The following COG8 variants were observed in gnomAD, a reference collection of about 807,000 sequenced individuals.
The protein encoded by COG8 is conserved oligomeric Golgi complex subunit 8.
In COG8, 45 loss-of-function variants were observed where a neutral mutation model predicts 46.5. That is an observed-to-expected ratio of 0.97 (90% CI 0.76 to 1.24). The LOEUF (loss-of-function observed/expected upper bound fraction) is 1.24, where lower values mean the gene tolerates loss of function less well. Ranked by LOEUF, COG8 falls within the 50% of genes most tolerant of loss-of-function variation. The pLI, the probability that COG8 is intolerant of heterozygous loss-of-function variation, is 0.00. For missense variants in COG8, 793 were observed against 820.8 expected, an observed-to-expected ratio of 0.97 and a Z score of 0.41; for synonymous variants, 407 against 347.8, an observed-to-expected ratio of 1.17 and a Z score of -1.90.
In COG8 at chr16:69,339,540, C is replaced by G; in HGVS notation, c.13G>C (p.Ala5Pro). ...GCCGTGGCTACCGATGGGATAGTCG[C>G]CGCGGTCGCCATCTTCCCAGCAACA... is the stretch of plus-strand genomic sequence containing the variant. MATA[A>P]TIPSVATATA... The change falls in exon 1 of 6, where the codon GCG (alanine) becomes CCG (proline). Residue 5 changes from alanine (A) to proline (P), a missense_variant. Ala to Pro is a conservative substitution (Grantham distance 27). Coordinates refer to ENST00000306875, the MANE Select transcript of COG8 (RefSeq NM_032382.5). 1 of 1,608,908 alleles carries G rather than the reference C, an allele frequency of 6.2e-7. No homozygotes were observed. The highest frequency in any genetic ancestry group is 1.1e-5 in the South Asian group (1 of 90,996).
At chr16:69,333,012 T>G in intron 3 of COG8, 130 bp from the exon 4 acceptor site, 2 of 811,010 alleles carry the variant, frequency 2.5e-6, no homozygotes, top group Non-Finnish European at 4.2e-6. Flanking sequence ...GTACATTATT[T>G]TACTGTCTCA....
At position 69,326,566 on chromosome 16, in the gene COG8, T is replaced by C. The variant is rs1464591283; in HGVS notation, c.*2640A>G. ...TTAGCATGGCTATGGTCCATCCCTG[T>C]GCTCTAGTTAGAGCGTGAAGACACC... On this transcript the variant is annotated 3_prime_UTR_variant, in exon 6 of 6. Coordinates refer to ENST00000306875, the MANE Select transcript of COG8 (RefSeq NM_032382.5). The C allele has an allele frequency of 6.6e-6, 1 of 152,274 alleles. No individual in the cohort carries two copies. The highest frequency in any genetic ancestry group is 1.5e-5 in the Non-Finnish European group (1 of 68,058). 9.4% of individuals were successfully genotyped at this position (152,274 alleles called of 1,614,324 possible).
intron 3 of COG8, among the ~76,000 whole-genome samples, chr16:69,333,986 C>T (rs991130846): frequency 6.6e-6 from 1 of 152,164 alleles, no homozygotes; most frequent in Non-Finnish European, 1.5e-5. Context: ...CTCCTGCTGG[C>T]CTTGAGGAAG....
In COG8 at chr16:69,336,693, C is replaced by T. The variant is rs756467489; in HGVS notation, c.397G>A (p.Glu133Lys). 6.8e-6 allele frequency: 11 copies of T among 1,614,076 alleles called. No individual in the cohort carries two copies. Among genetic ancestry groups the T allele is most frequent in the Admixed American group, 3.3e-5 (2 of 60,026 alleles). The change falls in exon 2 of 6, where the codon GAG becomes AAG. Residue 133 changes from glutamate to lysine, a missense_variant. Coordinates refer to ENST00000306875, the MANE Select transcript of COG8 (RefSeq NM_032382.5). The part of the protein sequence containing the change: ...QSCRNFVKEA[E>K]EISSNRRMNS... ...ATCCGGCGGTTGGAGCTGATCTCCTCGGCTTCCTTCACAAAGTTCCTAGTA... is the reference window on the plus strand; with the variant it reads ...ATCCGGCGGTTGGAGCTGATCTCCTTGGCTTCCTTCACAAAGTTCCTAGTA...
intron 4 of COG8, 56 bp from the exon 5 acceptor site, chr16:69,331,151 T>C: frequency 1.9e-6 from 3 of 1,600,718 alleles, no homozygotes; most frequent in Non-Finnish European, 2.6e-6. Flanking sequence ...AAACTCAATA[T>C]AGAAATTTAA....
chr16:69,331,010 C>G lies in COG8; in HGVS notation c.1668G>C (p.Leu556=), dbSNP rs765724412. The G allele has an allele frequency of 1.3e-5, 21 of 1,612,190 alleles. No individual in the cohort carries two copies. The South Asian group carries it at 2.1e-4, about 16-fold the overall frequency. ...GAIQEPLAFI[L]PKRETLFTLD... is the part of the protein sequence containing the mutation. ...GGGTGAAAAGCGTCTCTCTCTTTGG[C>G]AGGATAAAGGCGAGGGGCTCCTGAA... Residue 556 remains leucine, a synonymous_variant, in exon 5 of 6, where the codon CTG becomes CTC. Coordinates refer to ENST00000306875, the MANE Select transcript of COG8 (RefSeq NM_032382.5).
intron 5 of COG8, chr16:69,330,574 G>A: frequency 1.4e-6 from 2 of 1,455,682 alleles, no homozygotes; most frequent in East Asian, 2.9e-5. Flanking sequence ...GGGCCATGGC[G>A]GCCCCCTTAA....
rs1965635496 is a variant in COG8, at chr16:69,327,524, C to T, written c.*1682G>A. On this transcript the variant is annotated 3_prime_UTR_variant, in exon 6 of 6. Coordinates refer to ENST00000306875, the MANE Select transcript of COG8 (RefSeq NM_032382.5). ...GAGCCAGTTTGCTTCTGCTTGGCCTCATGGGGCCTCAGAGAAAGCCACAAA... is the reference window on the plus strand; with the variant it reads ...GAGCCAGTTTGCTTCTGCTTGGCCTTATGGGGCCTCAGAGAAAGCCACAAA... The T allele has an allele frequency of 6.6e-6, 1 of 151,938 alleles. No homozygotes were observed. The highest frequency in any genetic ancestry group is 2.4e-5 in the African/African-American group (1 of 41,358). 9.4% of individuals were successfully genotyped at this position (151,938 alleles called of 1,614,324 possible).
chr16:69,329,769 G>A (rs1965727068), intron 5 of COG8, among the ~76,000 whole-genome samples: 2 of 152,242 alleles, frequency 1.3e-5, no homozygotes, highest in Admixed American at 1.3e-4. Flanking sequence ...ACGCCAGGCT[G>A]TCAGGTAACA....
chr16:69,336,124 C>T (rs1056302884), intron 2 of COG8, among the ~76,000 whole-genome samples: 1 of 152,144 alleles, frequency 6.6e-6, no homozygotes, highest in Non-Finnish European at 1.5e-5. Context: ...TAAATGTTAC[C>T]TCCCTAGAAG....
chr16:69,329,978 C>G (rs1215752729), intron 5 of COG8: 3 of 1,510,164 alleles, frequency 2.0e-6, no homozygotes, highest in Non-Finnish European at 2.7e-6. Flanking sequence ...CCAGCAGCCC[C>G]GGTCCCCGCC....
rs1198030050 is a variant in COG8, at chr16:69,326,499, T to TA, written c.*2706dup. 2 of 152,242 alleles carry TA rather than the reference T, an allele frequency of 1.3e-5. No individual in the cohort carries two copies. The highest frequency in any genetic ancestry group is 3.8e-4 in the East Asian group (2 of 5,204). The allele number at this position is 152,242 out of a possible 1,614,324, so 9.4% of individuals were successfully genotyped here. On this transcript the variant is annotated 3_prime_UTR_variant, in exon 6 of 6. Transcript: ENST00000306875. ...AATCAGAACGTTGTTTCCTCATTCC[T>TA]ACTGCTTAAACACCTTGACAAGTCC...
At chr16:69,330,547 C>T (rs1200127660) in intron 5 of COG8, 3 of 1,475,212 alleles carry the variant, frequency 2.0e-6, no homozygotes, top group East Asian at 2.9e-5. Flanking sequence ...GCCAAAGACT[C>T]AGCGCGCCCC....
rs562227918 is a variant in COG8 at position 69,330,731 on chromosome 16, G to A, written c.*26+82C>T. On this transcript the variant is annotated intron_variant, in intron 5 of 5. Transcript: ENST00000306875. ...GCCCCCTTCCGCTCTCCTCCCGGGA[G>A]CGCCTTCCCGCCTCCCGAACCCGCC... The A allele has an allele frequency of 4.3e-5, 61 of 1,422,334 alleles. No individual in the cohort carries two copies. In the East Asian group the frequency reaches 1.4e-3, roughly 33 times the overall value. The allele number at this position is 1,422,334 out of a possible 1,614,324, so 88.1% of individuals were successfully genotyped here.
chr16:69,334,663 T>A lies in COG8; in HGVS notation c.1271A>T (p.Gln424Leu). The A allele has an allele frequency of 1.2e-6, 2 of 1,614,218 alleles. No homozygotes were observed. The highest frequency in any genetic ancestry group is 1.7e-6 in the Non-Finnish European group (2 of 1,180,040). Residue 424 changes from glutamine (Q) to leucine (L), a missense_variant, in exon 3 of 6, where the codon CAG (glutamine) becomes CTG (leucine). Physicochemically the swap from Gln to Leu is moderately radical, Grantham distance 113. Coordinates refer to ENST00000306875, the MANE Select transcript of COG8 (RefSeq NM_032382.5). ...GAAATCTAGGAGCACCATGGGTGGC[T>A]GCAGCGTCCCCGGCTGGGTGGCTGG... ...AVPATQPGTLQPPMVLLDFPP... is the reference protein window; with the variant it reads ...AVPATQPGTLLPPMVLLDFPP...
In COG8 at chr16:69,334,951, T is replaced by TG; in HGVS notation, c.982dup (p.Gln328ProfsTer35). On this transcript the variant is annotated frameshift_variant, in exon 3 of 6. Transcript: ENST00000306875. LOFTEE classifies it high-confidence loss of function. Reference sequence around the variant, plus strand: ...CCGGTAAAGGTCGGTCTCCAGCACCTGCAGGAATTGTGAGACCTTCTGTAG... The same window carrying TG: ...CCGGTAAAGGTCGGTCTCCAGCACCTGGCAGGAATTGTGAGACCTTCTGTAG... 1 of 1,614,128 alleles carries TG rather than the reference T, an allele frequency of 6.2e-7. No individual in the cohort carries two copies. Among genetic ancestry groups the TG allele is most frequent in the Non-Finnish European group, 8.5e-7 (1 of 1,180,022 alleles).
rs948650221 is a variant in COG8, at chr16:69,327,507, T to C, written c.*1699A>G. ...AAGTCTGGCTGCACCTAGAGCCAGT[T>C]TGCTTCTGCTTGGCCTCATGGGGCC... On this transcript the variant is annotated 3_prime_UTR_variant, in exon 6 of 6. Transcript: ENST00000306875. The C allele has an allele frequency of 1.3e-5, 2 of 151,914 alleles. No individual in the cohort carries two copies. The highest frequency in any genetic ancestry group is 2.9e-5 in the Non-Finnish European group (2 of 67,998). 9.4% of individuals were successfully genotyped at this position (151,914 alleles called of 1,614,324 possible).
intron 2 of COG8, among the ~76,000 whole-genome samples, chr16:69,336,165 C>T (rs556695599): frequency 1.3e-5 from 2 of 152,256 alleles, no homozygotes; most frequent in East Asian, 1.9e-4. Context: ...CCTAAAGAAA[C>T]CTACCCTAGA....
In COG8 at chr16:69,327,369, T is replaced by C. The variant is rs2143287623; in HGVS notation, c.*1837A>G. ...TTTTAGTAGAAACAGTGTTTCGCCA[T>C]GTTGGCCAGGCTGGTCTTGAACTCC... is the stretch of plus-strand genomic sequence containing the variant. On this transcript the variant is annotated 3_prime_UTR_variant, in exon 6 of 6. Transcript: ENST00000306875. The C allele has an allele frequency of 6.6e-6, 1 of 152,192 alleles. No individual in the cohort carries two copies. Among genetic ancestry groups the C allele is most frequent in the East Asian group, 1.9e-4 (1 of 5,178 alleles). 9.4% of individuals were successfully genotyped at this position (152,192 alleles called of 1,614,324 possible).
Sources: gnomAD v4.1 joint callset for allele counts (sites outside exome capture counted in the v4.1 genomes callset) on GRCh38, gnomAD v4.1.1 for gene constraint, MANE v1.5 for transcripts, NCBI Gene and HGNC (gene_info 2026-07-23, HGNC 2026-07-21) for gene names.